Variants in CLNS1A observed in about 807,000 individuals in gnomAD.
The protein encoded by CLNS1A is chloride nucleotide-sensitive channel 1A.
In CLNS1A, 16 loss-of-function variants were observed where a neutral mutation model predicts 29.4. That is an observed-to-expected ratio of 0.54 (90% CI 0.37 to 0.83). CLNS1A has a LOEUF of 0.83. CLNS1A is among the 40% of genes least tolerant of loss of function. The pLI, the probability that CLNS1A is intolerant of heterozygous loss-of-function variation, is 0.00. For synonymous variants in CLNS1A, 96 were observed against 104.8 expected, an observed-to-expected ratio of 0.92 and a Z score of 0.51; for missense variants, 235 against 287.4, an observed-to-expected ratio of 0.82 and a Z score of 1.32.
intron 4 of CLNS1A, among the ~76,000 whole-genome samples, chr11:77,623,095 G>T (rs964156754): frequency 6.6e-6 from 1 of 151,980 alleles, no homozygotes; most frequent in Non-Finnish European, 1.5e-5. Flanking sequence ...ACTCTCTAGG[G>T]TTATTAAAAG....
chr11:77,635,598 G>A (rs1047976684), intron 1 of CLNS1A, among the ~76,000 whole-genome samples: 3 of 151,976 alleles, frequency 2.0e-5, no homozygotes, highest in South Asian at 4.2e-4. Flanking sequence ...TGATCCACCC[G>A]CCTCAGCCTC....
chr11:77,624,178 T>A (rs539507075), intron 4 of CLNS1A, among the ~76,000 whole-genome samples: 39 of 152,196 alleles, frequency 2.6e-4, no homozygotes, highest in Admixed American at 5.2e-4. Flanking sequence ...GCTGGGAGAA[T>A]CATTTGAGTC....
intron 6 of CLNS1A, among the ~76,000 whole-genome samples, chr11:77,617,801 C>G (rs1026107558): frequency 1.3e-5 from 2 of 151,748 alleles, no homozygotes; most frequent in South Asian, 2.1e-4. Flanking sequence ...GTCTGTAGTT[C>G]CAGCTACTTG....
At chr11:77,632,382 C>T (rs1249610704) in intron 1 of CLNS1A, among the ~76,000 whole-genome samples, 4 of 152,096 alleles carry the variant, frequency 2.6e-5, no homozygotes, top group Non-Finnish European at 5.9e-5. Flanking sequence ...GACTCAATGA[C>T]GACATGGAAA....
intron 5 of CLNS1A, among the ~76,000 whole-genome samples, chr11:77,620,267 T>C (rs769923156): frequency 6.6e-6 from 1 of 152,176 alleles, no homozygotes; most frequent in Non-Finnish European, 1.5e-5. Flanking sequence ...CTCATAATAA[T>C]GAGTAAGTTT....
At chr11:77,634,985 T>C (rs1481871456) in intron 1 of CLNS1A, among the ~76,000 whole-genome samples, 1 of 152,100 alleles carries the variant, frequency 6.6e-6, no homozygotes, top group East Asian at 1.9e-4. Context: ...TTGTATTCTT[T>C]GCAGAGATGG....
At chr11:77,634,182 C>A (rs1395672324) in intron 1 of CLNS1A, among the ~76,000 whole-genome samples, 3 of 152,086 alleles carry the variant, frequency 2.0e-5, no homozygotes, top group African/African-American at 7.2e-5. Context: ...CAACACAAAT[C>A]TGAGAGACTA....
chr11:77,623,890 A>G (rs575668287), intron 4 of CLNS1A, among the ~76,000 whole-genome samples: 2 of 152,350 alleles, frequency 1.3e-5, no homozygotes. Context: ...AGGCAATCGG[A>G]AAGGGCTCTT....
chr11:77,625,630 G>T, intron 3 of CLNS1A, 87 bp downstream of exon 3: 3 of 1,024,990 alleles, frequency 2.9e-6, no homozygotes, highest in Non-Finnish European at 4.2e-6. Context: ...AAAGGTGAGA[G>T]GTGTGTGTGT....
chr11:77,637,290 GAAGA>G (rs1435578604), intron 1 of CLNS1A, among the ~76,000 whole-genome samples: 5 of 56,840 alleles, frequency 8.8e-5, no homozygotes, highest in Non-Finnish European at 1.4e-4. Context: ...AAGAAAAGAA[GAAGA>G]AAGAAAGAGA....
At chr11:77,622,373 T>C (rs1958967371) in intron 5 of CLNS1A, 127 bp downstream of exon 5, 1 of 656,986 alleles carries the variant, frequency 1.5e-6, no homozygotes, top group Admixed American at 3.2e-5. Flanking sequence ...TATGTAATTC[T>C]GTATCTGCTT....
At chr11:77,631,996 CAA>C (rs1056087286) in intron 1 of CLNS1A, among the ~76,000 whole-genome samples, 12 of 152,206 alleles carry the variant, frequency 7.9e-5, no homozygotes, top group African/African-American at 2.2e-4. Context: ...CTCGGCCTCC[CAA>C]AGTGCCAGTA....
chr11:77,616,015 A>G lies in CLNS1A; in HGVS notation c.*703T>C, dbSNP rs1958902978. 1 of 152,204 alleles carries G rather than the reference A, an allele frequency of 6.6e-6. No homozygotes were observed. The highest frequency in any genetic ancestry group is 2.4e-5 in the African/African-American group (1 of 41,466). 9.4% of individuals were successfully genotyped at this position (152,204 alleles called of 1,614,324 possible). A position where few individuals can be genotyped will look rare whatever the true frequency, so the allele number is the denominator to read the frequency against. On this transcript the variant is annotated 3_prime_UTR_variant, in exon 7 of 7. Coordinates refer to ENST00000525428, the MANE Select transcript of CLNS1A (RefSeq NM_001293.3). ...TAAATACTTGCCAGAAGCTATAACTATATTTTCTTATTAATTTCATGTTCA... is the reference window on the plus strand; with the variant it reads ...TAAATACTTGCCAGAAGCTATAACTGTATTTTCTTATTAATTTCATGTTCA...
intron 5 of CLNS1A, among the ~76,000 whole-genome samples, chr11:77,620,305 G>A (rs1192653352): frequency 6.6e-6 from 1 of 152,132 alleles, no homozygotes; most frequent in African/African-American, 2.4e-5. Context: ...ATATAAGGGG[G>A]AGTTTTCCTG....
intron 1 of CLNS1A, among the ~76,000 whole-genome samples, chr11:77,637,007 C>T (rs1466435638): frequency 6.6e-6 from 1 of 151,916 alleles, no homozygotes; most frequent in Non-Finnish European, 1.5e-5. Flanking sequence ...TGCATATGAC[C>T]CCTGTCTGTG....
intron 2 of CLNS1A, 55 bp downstream of exon 2, chr11:77,629,708 T>A: frequency 1.3e-6 from 2 of 1,579,554 alleles, no homozygotes; most frequent in African/African-American, 2.7e-5. Flanking sequence ...AGACTCTTTT[T>A]TAAAATATAA....
intron 6 of CLNS1A, among the ~76,000 whole-genome samples, chr11:77,617,300 C>A (rs1347722788): frequency 7.6e-6 from 1 of 131,736 alleles, no homozygotes; most frequent in Admixed American, 8.5e-5. Flanking sequence ...CCCGGGGGGG[C>A]GGAGGATTCG....
intron 5 of CLNS1A, among the ~76,000 whole-genome samples, chr11:77,620,232 G>T (rs1958943269): frequency 6.6e-6 from 1 of 152,112 alleles, no homozygotes; most frequent in Admixed American, 6.6e-5. Context: ...ACTGAATTAT[G>T]GGGGCAGGTC....
chr11:77,616,363 A>G lies in CLNS1A; in HGVS notation c.*355T>C, dbSNP rs534475452. 2.0e-5 allele frequency: 3 copies of G among 152,596 alleles called. No individual in the cohort carries two copies. Among genetic ancestry groups the G allele is most frequent in the Admixed American group, 6.5e-5 (1 of 15,300 alleles). 9.5% of individuals were successfully genotyped at this position (152,596 alleles called of 1,614,324 possible). A position where few individuals can be genotyped will look rare whatever the true frequency, so the allele number is the denominator to read the frequency against. On this transcript the variant is annotated 3_prime_UTR_variant, in exon 7 of 7. Transcript: ENST00000525428. ...CTCTCTCTTTCCCCCGCAGTCTACC[A>G]AGCTCCTGTGCATTTTCACCACATA...
Sources: gnomAD v4.1 joint callset for allele counts (sites outside exome capture counted in the v4.1 genomes callset) on GRCh38, gnomAD v4.1.1 for gene constraint, MANE v1.5 for transcripts, NCBI Gene and HGNC (gene_info 2026-07-23, HGNC 2026-07-21) for gene names.